The following BABAM2 variants were observed in gnomAD, a reference collection of about 807,000 sequenced individuals.
BABAM2 encodes the protein BRISC and BRCA1-A complex member 2.
BABAM2 carries 31 observed loss-of-function variants against 54.7 expected under a neutral mutation model. That is an observed-to-expected ratio of 0.57 (90% CI 0.43 to 0.77). The LOEUF is 0.77. Ranked by LOEUF, BABAM2 falls within the 30% of genes least tolerant of loss-of-function variation. The pLI is 0.00. For missense variants in BABAM2, 364 were observed against 455.8 expected (o/e 0.80, Z 1.83); for synonymous variants, 167 against 162.9 (o/e 1.03, Z -0.19).
chr2:27,986,942 T>G (rs944144518), intron 3 of BABAM2, among the ~76,000 whole-genome samples: 5 of 152,156 alleles, frequency 3.3e-5, no homozygotes, highest in African/African-American at 1.2e-4. Flanking sequence ...AAAAGGGAGC[T>G]ACAGAAGAAT....
intron 7 of BABAM2, among the ~76,000 whole-genome samples, chr2:28,165,795 C>T (rs181702125): frequency 6.6e-6 from 1 of 152,176 alleles, no homozygotes; most frequent in Non-Finnish European, 1.5e-5. Flanking sequence ...CTCAGCCTCC[C>T]ATAATGCTGT....
At chr2:28,320,017 T>A (rs1287803730) in intron 11 of BABAM2, among the ~76,000 whole-genome samples, 1 of 144,774 alleles carries the variant, frequency 6.9e-6, no homozygotes, top group African/African-American at 2.6e-5. Flanking sequence ...GAGAAGACTG[T>A]GATGAACTCT....
intron 2 of BABAM2, chr2:27,896,757 C>G: frequency 4.3e-6 from 1 of 230,148 alleles, no homozygotes; most frequent in South Asian, 5.0e-5. Context: ...CACTAGGCTC[C>G]AGCAACTGGG....
intron 10 of BABAM2, among the ~76,000 whole-genome samples, chr2:28,293,771 A>G (rs1397807136): frequency 2.0e-5 from 3 of 152,278 alleles, no homozygotes; most frequent in East Asian, 1.9e-4. Flanking sequence ...TAATACCAAC[A>G]CTTTGGTAGG....
intron 5 of BABAM2, among the ~76,000 whole-genome samples, chr2:28,041,810 G>A (rs1339244000): frequency 6.6e-6 from 1 of 152,062 alleles, no homozygotes; most frequent in Admixed American, 6.6e-5. Flanking sequence ...TTGAGCAAAC[G>A]AGGATTAGAA....
chr2:28,250,760 C>T (rs999779653), intron 10 of BABAM2, among the ~76,000 whole-genome samples: 7 of 151,836 alleles, frequency 4.6e-5, no homozygotes, highest in African/African-American at 7.3e-5. Context: ...CCACCACTCC[C>T]GGCTAATTTT....
chr2:27,966,214 TTTC>T (rs3056502), intron 3 of BABAM2, among the ~76,000 whole-genome samples: 99,108 of 151,764 alleles, frequency 0.65, 34,043 homozygotes, highest in Middle Eastern at 0.8. Flanking sequence ...TATTCTGTCA[TTTC>T]TTCTTCATTT....
chr2:28,225,286 G>A (rs1275373691), intron 7 of BABAM2, among the ~76,000 whole-genome samples: 1 of 152,154 alleles, frequency 6.6e-6, no homozygotes, highest in African/African-American at 2.4e-5. Context: ...GGGCTAACAA[G>A]GGTGGGCGCC....
chr2:28,229,438 A>G (rs1036442898), intron 7 of BABAM2, among the ~76,000 whole-genome samples: 1 of 152,172 alleles, frequency 6.6e-6, no homozygotes, highest in Non-Finnish European at 1.5e-5. Flanking sequence ...TGCTTAGTAA[A>G]TGGAGTTATT....
At chr2:27,901,591 T>G (rs1346005618) in intron 2 of BABAM2, among the ~76,000 whole-genome samples, 1 of 152,236 alleles carries the variant, frequency 6.6e-6, no homozygotes, top group Non-Finnish European at 1.5e-5. Context: ...CTGTAAGCTT[T>G]GAAGACTGAT....
intron 4 of BABAM2, among the ~76,000 whole-genome samples, chr2:28,004,492 T>G (rs1673810632): frequency 6.6e-6 from 1 of 152,260 alleles, no homozygotes; most frequent in South Asian, 2.1e-4. Context: ...GAAACCAGAT[T>G]GAAAAATAAA....
chr2:27,992,884 G>T (rs1672876968), intron 4 of BABAM2, among the ~76,000 whole-genome samples: 2 of 152,044 alleles, frequency 1.3e-5, no homozygotes, highest in South Asian at 4.1e-4. Context: ...TACTCTACCT[G>T]TAACCCTTCC....
intron 7 of BABAM2, among the ~76,000 whole-genome samples, chr2:28,156,202 C>T (rs1243886786): frequency 1.3e-5 from 2 of 152,158 alleles, no homozygotes. Flanking sequence ...TTAATTTCTA[C>T]TCCTCCCACA....
At chr2:28,211,994 C>G (rs1679510218) in intron 7 of BABAM2, among the ~76,000 whole-genome samples, 1 of 151,962 alleles carries the variant, frequency 6.6e-6, no homozygotes, top group Non-Finnish European at 1.5e-5. Flanking sequence ...TCCCATAAGT[C>G]TCTTAATCTA....
At chr2:28,107,193 G>C (rs1667600089) in intron 6 of BABAM2, among the ~76,000 whole-genome samples, 1 of 152,062 alleles carries the variant, frequency 6.6e-6, no homozygotes, top group Non-Finnish European at 1.5e-5. Context: ...CCTGCACCAA[G>C]TTGCTTCTCT....
At chr2:28,084,061 C>G (rs559829708) in intron 6 of BABAM2, among the ~76,000 whole-genome samples, 1 of 152,160 alleles carries the variant, frequency 6.6e-6, no homozygotes, top group Non-Finnish European at 1.5e-5. Flanking sequence ...GAGTAAGATG[C>G]GCTTGACGGG....
intron 11 of BABAM2, among the ~76,000 whole-genome samples, chr2:28,305,965 C>T (rs1215471184): frequency 1.3e-5 from 2 of 151,760 alleles, no homozygotes; most frequent in African/African-American, 2.4e-5. Flanking sequence ...TCTGATTTCC[C>T]TTGTGATTTC....
chr2:28,040,294 C>CTTTTTTTT lies in BABAM2; in HGVS notation c.496-5414_496-5407dup, dbSNP rs397735161. The stretch of plus-strand genomic sequence containing the variant: ...CAGTGCCAGAATGAAAAACTGAATT[C>CTTTTTTTT]TTTTTTTTTTTTTTTTTTTTTTTTG... On this transcript the variant is annotated intron_variant, in intron 5 of 11. Transcript: ENST00000379624. Among the ~76,000 whole-genome samples, 481 of 59,488 alleles carry CTTTTTTTT rather than the reference C, an allele frequency of 8.1e-3. 76 individuals carry two copies. Among genetic ancestry groups the CTTTTTTTT allele is most frequent in the South Asian group, 0.023 (18 of 798 alleles). The allele number at this position is 59,488 out of a possible 152,430, so 39.0% of individuals were successfully genotyped here. A position where few individuals can be genotyped will look rare whatever the true frequency, so the allele number is the denominator to read the frequency against.
At chr2:28,041,575 G>A (rs1290567172) in intron 5 of BABAM2, among the ~76,000 whole-genome samples, 1 of 152,170 alleles carries the variant, frequency 6.6e-6, no homozygotes, top group African/African-American at 2.4e-5. Flanking sequence ...GAGTTTCTGG[G>A]TGACTTTGAT....
Sources: allele counts gnomAD v4.1 joint callset (sites outside exome capture counted in the v4.1 genomes callset), GRCh38; gene constraint gnomAD v4.1.1; transcripts MANE v1.5; gene names NCBI Gene and HGNC (gene_info 2026-07-23, HGNC 2026-07-21).